Variants in ZNF385D observed in about 807,000 individuals in gnomAD.
ZNF385D encodes the protein zinc finger protein 385D.
In ZNF385D, 15 loss-of-function variants were observed where a neutral mutation model predicts 35.8. The ratio of observed to expected loss-of-function variants is 0.42; its 90% confidence interval spans 0.28 to 0.64. ZNF385D has a LOEUF of 0.64. Among genes scored for constraint, ZNF385D ranks in the 30% least tolerant of loss-of-function variants. The probability of loss-of-function intolerance (pLI) is 0.23; values close to 1 mark genes in which losing one functional copy is unlikely to be tolerated. For missense variants in ZNF385D, 474 were observed against 494.6 expected (o/e 0.96, Z 0.39); for synonymous variants, 212 against 186.8 (o/e 1.13, Z -1.10).
At chr3:21,445,870 A>G (rs1702120435) in intron 4 of ZNF385D, among the ~76,000 whole-genome samples, 1 of 151,948 alleles carries the variant, frequency 6.6e-6, no homozygotes, top group South Asian at 2.1e-4. Flanking sequence ...ATCCTTAATC[A>G]TTTTCCTCTT....
chr3:21,646,655 C>T lies in ZNF385D; in HGVS notation c.165+18231G>A, dbSNP rs1450919435. The stretch of plus-strand genomic sequence containing the variant: ...ACAACTCTTCAGTCTCCATTTACTT[C>T]AGAGGCAATTAGAAAGAAAGAAACA... On this transcript the variant is annotated intron_variant, in intron 2 of 7. Transcript: ENST00000281523. This position sits in a 1 kb window ranked among gnomAD's most constrained non-coding sequence, Gnocchi z 4.3. Among the ~76,000 whole-genome samples the T allele has an allele frequency of 6.6e-6, 1 of 152,134 alleles. No homozygotes were observed. The highest frequency in any genetic ancestry group is 1.9e-4 in the East Asian group (1 of 5,194).
At position 22,168,737 on chromosome 3, in the gene ZNF385D, T is replaced by G. The variant is rs530633281; in HGVS notation, c.325+80A>C. On this transcript the variant is annotated intron_variant, in intron 3 of 5. Transcript: ENST00000494108. ...CCTGGTTTAAAAAAATAGTTCATTCTTTTATCCTCACATCTGCAGGTACAC... is the reference window on the plus strand; with the variant it reads ...CCTGGTTTAAAAAAATAGTTCATTCGTTTATCCTCACATCTGCAGGTACAC... 2.3e-4 allele frequency: 199 copies of G among 851,972 alleles called. No individual in the cohort carries two copies. The African/African-American group carries it at 3.5e-3, about 15-fold the overall frequency. The allele number at this position is 851,972 out of a possible 1,614,324, so 52.8% of individuals were successfully genotyped here.
chr3:22,067,708 T>C (rs1206372308), intron 3 of ZNF385D, among the ~76,000 whole-genome samples: 1 of 152,176 alleles, frequency 6.6e-6, no homozygotes, highest in African/African-American at 2.4e-5. Flanking sequence ...AAGAAGCAAT[T>C]ATTCTACAAC....
At chr3:21,800,749 A>T (rs577080179) in intron 3 of ZNF385D, among the ~76,000 whole-genome samples, 2 of 152,026 alleles carry the variant, frequency 1.3e-5, no homozygotes, top group East Asian at 3.9e-4. Context: ...TTGTTTGTTG[A>T]TCTTGTTTAT....
At chr3:22,240,724 C>T (rs994521742) in intron 2 of ZNF385D, among the ~76,000 whole-genome samples, 12 of 150,982 alleles carry the variant, frequency 7.9e-5, no homozygotes, top group South Asian at 2.2e-4. Flanking sequence ...ACAAATAACA[C>T]GTCAAACATT....
chr3:21,609,890 G>A (rs2064613967), intron 2 of ZNF385D, among the ~76,000 whole-genome samples: 1 of 152,182 alleles, frequency 6.6e-6, no homozygotes. Flanking sequence ...AAGGAAAAGA[G>A]AGTCCTGATG....
chr3:22,149,959 T>C (rs796297806), intron 3 of ZNF385D, among the ~76,000 whole-genome samples: 39 of 152,214 alleles, frequency 2.6e-4, no homozygotes, highest in African/African-American at 7.2e-4. Context: ...TTTAATTCCA[T>C]GTTTTAATAT....
chr3:22,273,966 T>C (rs1415545696), intron 2 of ZNF385D, among the ~76,000 whole-genome samples: 1 of 152,066 alleles, frequency 6.6e-6, no homozygotes, highest in Non-Finnish European at 1.5e-5. Context: ...CATTAAATGC[T>C]GCCATTAGCA....
chr3:21,743,516 G>T (rs1361934537), intron 1 of ZNF385D, among the ~76,000 whole-genome samples: 1 of 152,236 alleles, frequency 6.6e-6, no homozygotes, highest in Non-Finnish European at 1.5e-5. Context: ...GGCAGTCCAA[G>T]TTCAAGGCGT....
Position 22,126,310 on chromosome 3 carries a change from GTTT to G in ZNF385D, c.325+42504_325+42506del, listed in dbSNP as rs57457479. Among the ~76,000 whole-genome samples the G allele has an allele frequency of 5.1e-3, 509 of 100,150 alleles. 7 individuals are homozygous for G. Among genetic ancestry groups the G allele is most frequent in the South Asian group, 0.039 (113 of 2,900 alleles). The allele number at this position is 100,150 out of a possible 152,430, so 65.7% of individuals were successfully genotyped here. A position where few individuals can be genotyped will look rare whatever the true frequency, so the allele number is the denominator to read the frequency against. On this transcript the variant is annotated intron_variant, in intron 3 of 5. Coordinates refer to the ZNF385D transcript ENST00000494108. The stretch of plus-strand genomic sequence containing the variant: ...TCATTAGGTTATGTATTTGAAAGTT[GTTT>G]TTTTTTTTTTTTTTTTTCACTTTTT...
intron 3 of ZNF385D, among the ~76,000 whole-genome samples, chr3:21,759,682 C>T (rs1248967682): frequency 1.3e-5 from 2 of 152,094 alleles, no homozygotes; most frequent in African/African-American, 4.8e-5. Context: ...TCCTGGGCAG[C>T]TATTTCAGAA....
chr3:22,281,702 C>A (rs1701750689), intron 2 of ZNF385D, among the ~76,000 whole-genome samples: 1 of 151,618 alleles, frequency 6.6e-6, no homozygotes, highest in Non-Finnish European at 1.5e-5. Context: ...GTGTACTTTT[C>A]TTTTTTTGTT....
chr3:21,742,184 A>C (rs1424646043), intron 1 of ZNF385D, among the ~76,000 whole-genome samples: 1 of 152,206 alleles, frequency 6.6e-6, no homozygotes, highest in Admixed American at 6.5e-5. Flanking sequence ...TCACTGTCAG[A>C]CTTTTCAACT....
rs1035228672 is a variant in ZNF385D, at chr3:21,810,093, A to G, written c.326-145065T>C. Among the ~76,000 whole-genome samples the G allele has an allele frequency of 3.5e-4, 54 of 152,294 alleles. 1 individual carries two copies. Among genetic ancestry groups the G allele is most frequent in the Middle Eastern group, 3.4e-3 (1 of 294 alleles). ...AAAGATAGCAAAAGTAAATAGACAA[A>G]TACATTACAAGCCAATATACCTCAT... On this transcript the variant is annotated intron_variant, in intron 3 of 5. Coordinates refer to the ZNF385D transcript ENST00000494108.
intron 3 of ZNF385D, among the ~76,000 whole-genome samples, chr3:21,790,125 T>C (rs2071866791): frequency 6.6e-6 from 1 of 151,788 alleles, no homozygotes; most frequent in South Asian, 2.1e-4. Context: ...AAAAAGACTT[T>C]GGGAGGACAT....
chr3:21,979,092 T>C (rs1008033531), intron 3 of ZNF385D, among the ~76,000 whole-genome samples: 5 of 152,218 alleles, frequency 3.3e-5, no homozygotes, highest in African/African-American at 1.2e-4. Context: ...CTCCAGTACA[T>C]GCCAATTTTT....
chr3:22,081,925 A>G (rs185449767), intron 3 of ZNF385D, among the ~76,000 whole-genome samples: 65 of 151,854 alleles, frequency 4.3e-4, no homozygotes, highest in Non-Finnish European at 8.4e-4. Flanking sequence ...CACCTCTTAA[A>G]GCTATTGCTT....
At chr3:21,511,809 ATTTTCCTAAGAGCATTTTTT>A in intron 3 of ZNF385D, 1 of 444,632 alleles carries the variant, frequency 2.2e-6, no homozygotes, top group Admixed American at 2.4e-5. Context: ...CTCATGTTTT[ATTTTCCTAAGAGCATTTTTT>A]TTTTTTGTGG....
chr3:21,711,845 T>G (rs972763210), intron 1 of ZNF385D, among the ~76,000 whole-genome samples: 1 of 152,152 alleles, frequency 6.6e-6, no homozygotes, highest in African/African-American at 2.4e-5. Flanking sequence ...GGTAACCCAT[T>G]TTTCTACCTT....
Sources: allele counts gnomAD v4.1 joint callset (sites outside exome capture counted in the v4.1 genomes callset), GRCh38; gene constraint gnomAD v4.1.1; non-coding constraint Gnocchi (gnomAD v3.1); transcripts MANE v1.5; gene names NCBI Gene and HGNC (gene_info 2026-07-23, HGNC 2026-07-21).